The following ACOT7 variants were observed in gnomAD, a reference collection of about 807,000 sequenced individuals.
ACOT7 encodes the protein cytosolic acyl coenzyme A thioester hydrolase.
A neutral mutation model predicts 40.2 loss-of-function variants in ACOT7; 12 were observed. The ratio of observed to expected loss-of-function variants is 0.30; its 90% CI spans 0.19 to 0.48. The LOEUF is 0.48. Among genes scored for constraint, ACOT7 ranks in the 20% least tolerant of loss-of-function variants. ACOT7 has a pLI of 0.99. For synonymous variants in ACOT7, 228 were observed against 219.5 expected (o/e 1.04, Z -0.34); for missense variants, 395 against 530.8 (o/e 0.74, Z 2.51).
At chr1:6,291,805 C>A (rs943947543) in intron 7 of ACOT7, among the ~76,000 whole-genome samples, 2 of 152,158 alleles carry the variant, frequency 1.3e-5, no homozygotes, top group Non-Finnish European at 2.9e-5. Flanking sequence ...GTGAGGCCAG[C>A]CCCCCGCGGT....
chr1:6,365,902 A>AT (rs111522619), intron 1 of ACOT7, among the ~76,000 whole-genome samples: 806 of 144,568 alleles, frequency 5.6e-3, no homozygotes, highest in Non-Finnish European at 9.3e-3. Context: ...TTTGGGGTTT[A>AT]TTTTTTTTTT....
At chr1:6,273,365 T>C (rs1163851497) in intron 8 of ACOT7, among the ~76,000 whole-genome samples, 1 of 152,226 alleles carries the variant, frequency 6.6e-6, no homozygotes, top group Non-Finnish European at 1.5e-5. Flanking sequence ...GGCCACCGGA[T>C]GTTCCTAAGC....
intron 7 of ACOT7, among the ~76,000 whole-genome samples, chr1:6,287,625 C>T (rs900184807): frequency 6.6e-6 from 1 of 152,188 alleles, no homozygotes; most frequent in East Asian, 1.9e-4. Flanking sequence ...TGGCACAGCC[C>T]GTGAGCGCTG....
At chr1:6,348,819 A>G (rs1641506600) in intron 2 of ACOT7, among the ~76,000 whole-genome samples, 1 of 152,184 alleles carries the variant, frequency 6.6e-6, no homozygotes, top group African/African-American at 2.4e-5. Flanking sequence ...TGTGGCTCAG[A>G]GCTCACAGTG....
At chr1:6,266,826 C>T (rs1175679721) in intron 8 of ACOT7, among the ~76,000 whole-genome samples, 3 of 152,366 alleles carry the variant, frequency 2.0e-5, no homozygotes, top group Non-Finnish European at 2.9e-5. Flanking sequence ...AGAGCAAGAG[C>T]TGTAGGGTGG....
At chr1:6,354,468 G>C (rs898514557) in intron 1 of ACOT7, among the ~76,000 whole-genome samples, 1 of 152,254 alleles carries the variant, frequency 6.6e-6, no homozygotes, top group Non-Finnish European at 1.5e-5. Flanking sequence ...GCGATGTCCT[G>C]AGACAGGGAC....
In ACOT7 at chr1:6,352,453, C is replaced by G. The variant is rs532123493; in HGVS notation, c.144-2587G>C. On this transcript the variant is annotated intron_variant, in intron 1 of 8. Coordinates refer to ENST00000361521, the MANE Select transcript of ACOT7 (RefSeq NM_007274.4). The surrounding 1 kb of genome is among the most constrained non-coding windows in gnomAD (Gnocchi z 4.5). ...AAACAGCTCTGTCACTCTCTCAGGC[C>G]CCGCCCCATGGCCTGGCCAAGGCCA... Among the ~76,000 whole-genome samples the G allele has an allele frequency of 6.6e-6, 1 of 152,234 alleles. No homozygotes were observed. The highest frequency in any genetic ancestry group is 2.4e-5 in the African/African-American group (1 of 41,470).
intron 7 of ACOT7, among the ~76,000 whole-genome samples, chr1:6,287,089 C>T (rs35587207): frequency 0.078 from 11,949 of 152,312 alleles, 530 homozygotes; most frequent in Non-Finnish European, 0.11. Context: ...CCCAGCTTAA[C>T]GATGCATTTT....
At chr1:6,332,756 G>A (rs1288289407) in intron 4 of ACOT7, among the ~76,000 whole-genome samples, 1 of 152,004 alleles carries the variant, frequency 6.6e-6, no homozygotes, top group Non-Finnish European at 1.5e-5. Context: ...GGGAGGCGGA[G>A]CTTGCAGTGA....
At chr1:6,316,353 A>C (rs960106472) in intron 6 of ACOT7, among the ~76,000 whole-genome samples, 2 of 152,330 alleles carry the variant, frequency 1.3e-5, no homozygotes, top group South Asian at 4.1e-4. Flanking sequence ...AGACACTCAG[A>C]TTGTCATAGT....
At chr1:6,377,059 C>T (rs529088487) in intron 1 of ACOT7, among the ~76,000 whole-genome samples, 1 of 152,220 alleles carries the variant, frequency 6.6e-6, no homozygotes, top group South Asian at 2.1e-4. Context: ...TCAGAATGGC[C>T]TAAACCCAAA....
At chr1:6,305,489 G>C (rs1351517147) in intron 6 of ACOT7, among the ~76,000 whole-genome samples, 1 of 148,918 alleles carries the variant, frequency 6.7e-6, no homozygotes, top group Non-Finnish European at 1.5e-5. Flanking sequence ...GCTGCCGGGC[G>C]GAGGGGCTTC....
At chr1:6,327,278 G>T (rs756062345) in intron 5 of ACOT7, 21 bp downstream of exon 5, 3 of 1,612,370 alleles carry the variant, frequency 1.9e-6, no homozygotes, top group Non-Finnish European at 2.5e-6. Context: ...GGCACCTGCT[G>T]CTGGTGTCCG....
intron 8 of ACOT7, among the ~76,000 whole-genome samples, chr1:6,271,268 A>G (rs115027091): frequency 0.017 from 2,577 of 152,304 alleles, 67 homozygotes; most frequent in African/African-American, 0.059. Context: ...GGTAAAATCA[A>G]TAGCTTGTCC....
At chr1:6,304,412 TA>T (rs1317737123) in intron 6 of ACOT7, among the ~76,000 whole-genome samples, 3 of 147,798 alleles carry the variant, frequency 2.0e-5, no homozygotes, top group Non-Finnish European at 4.5e-5. Flanking sequence ...TTTTTTTTTT[TA>T]ATTGATAATT....
At chr1:6,309,006 G>A (rs1640255897) in intron 6 of ACOT7, among the ~76,000 whole-genome samples, 1 of 152,200 alleles carries the variant, frequency 6.6e-6, no homozygotes, top group African/African-American at 2.4e-5. Context: ...TGCCATGACA[G>A]CACTCACCGC....
At chr1:6,290,074 A>G (rs1316266846) in intron 7 of ACOT7, among the ~76,000 whole-genome samples, 1 of 152,044 alleles carries the variant, frequency 6.6e-6, no homozygotes, top group African/African-American at 2.4e-5. Context: ...GGGAGGCAGG[A>G]GTGTCAGCAC....
intron 1 of ACOT7, chr1:6,360,446 A>C: frequency 7.4e-7 from 1 of 1,346,552 alleles, no homozygotes; most frequent in Non-Finnish European, 1.0e-6. Flanking sequence ...AGTAGCCGGC[A>C]TCCCAGGGCC....
intron 6 of ACOT7, 109 bp downstream of exon 6, chr1:6,318,383 C>T: frequency 1.6e-6 from 2 of 1,252,320 alleles, no homozygotes. Context: ...GAAGTTTGTA[C>T]TTCACCAAAC....
Sources: allele counts gnomAD v4.1 joint callset (sites outside exome capture counted in the v4.1 genomes callset), GRCh38; gene constraint gnomAD v4.1.1; non-coding constraint Gnocchi (gnomAD v3.1); transcripts MANE v1.5; gene names NCBI Gene and HGNC (gene_info 2026-07-23, HGNC 2026-07-21).